The following TENM3 variants were observed in gnomAD, a reference collection of about 807,000 sequenced individuals.
The protein encoded by TENM3 is teneurin-3.
In TENM3, 63 loss-of-function variants were observed where a neutral mutation model predicts 255.1. The ratio of observed to expected loss-of-function variants is 0.25; its 90% CI spans 0.20 to 0.30. TENM3 has a LOEUF of 0.30. Among genes scored for constraint, TENM3 ranks in the 10% least tolerant of loss-of-function variants. The pLI is 1.00. For synonymous variants in TENM3, 1,306 were observed against 1,322.3 expected, an observed-to-expected ratio of 0.99 and a Z score of 0.27; for missense variants, 2,929 against 3,461.1, an observed-to-expected ratio of 0.85 and a Z score of 3.86.
At chr4:182,403,731 A>G (rs1769362112) in intron 3 of TENM3, among the ~76,000 whole-genome samples, 1 of 152,036 alleles carries the variant, frequency 6.6e-6, no homozygotes, top group Non-Finnish European at 1.5e-5. Flanking sequence ...ATTGTTTTCT[A>G]GTTATTTTAT....
intron 1 of TENM3, among the ~76,000 whole-genome samples, chr4:182,312,705 G>A (rs944477544): frequency 1.3e-5 from 2 of 152,198 alleles, no homozygotes; most frequent in Non-Finnish European, 2.9e-5. Flanking sequence ...CAGGGTGTCT[G>A]ATTTAAGCCA....
At chr4:181,887,031 A>C in the TENM3 span, among the ~76,000 whole-genome samples, 1 of 152,278 alleles carries the variant, frequency 6.6e-6, no homozygotes, top group South Asian at 2.1e-4. Flanking sequence ...AAATACTTTA[A>C]ATACTTTCCT....
intron 1 of TENM3, among the ~76,000 whole-genome samples, chr4:182,176,475 CATT>C (rs1288308712): frequency 5.3e-5 from 8 of 152,008 alleles, no homozygotes; most frequent in Admixed American, 5.2e-4. Context: ...AAGATGTGTT[CATT>C]ATTATTACTG....
intron 12 of TENM3, among the ~76,000 whole-genome samples, chr4:182,710,214 A>G (rs1188996566): frequency 6.6e-6 from 1 of 152,196 alleles, no homozygotes; most frequent in Non-Finnish European, 1.5e-5. Flanking sequence ...ATACTACCCT[A>G]TGAGAATCAG....
chr4:182,215,816 G>T (rs1220693211), intron 1 of TENM3, among the ~76,000 whole-genome samples: 3 of 152,158 alleles, frequency 2.0e-5, no homozygotes, highest in Admixed American at 2.0e-4. Flanking sequence ...TTGCAATCAG[G>T]TTTCAAGTTC....
chr4:181,476,206 GT>G, the TENM3 span, among the ~76,000 whole-genome samples: 252 of 115,390 alleles, frequency 2.2e-3, 1 homozygote, highest in East Asian at 9.1e-3. Flanking sequence ...CATTTTAGGG[GT>G]TTTTTTTTTT....
At chr4:181,749,152 T>A in the TENM3 span, among the ~76,000 whole-genome samples, 1 of 152,124 alleles carries the variant, frequency 6.6e-6, no homozygotes, top group Non-Finnish European at 1.5e-5. Flanking sequence ...AATTTGACTT[T>A]ATCCCTTGTG....
the TENM3 span, among the ~76,000 whole-genome samples, chr4:181,813,232 A>T: frequency 6.6e-6 from 1 of 152,112 alleles, no homozygotes; most frequent in Admixed American, 6.6e-5. Flanking sequence ...AATCCCATTC[A>T]TGTTGTGGGG....
chr4:182,277,197 A>G (rs1760060227), intron 1 of TENM3, among the ~76,000 whole-genome samples: 1 of 152,214 alleles, frequency 6.6e-6, no homozygotes, highest in Admixed American at 6.5e-5. Context: ...TCAGAATAAG[A>G]TGGAGTTTGG....
At chr4:182,064,904 G>A in the TENM3 span, among the ~76,000 whole-genome samples, 4 of 152,180 alleles carry the variant, frequency 2.6e-5, no homozygotes, top group Admixed American at 2.6e-4. Context: ...TATTATTTGT[G>A]TAACAGTCAC....
At chr4:181,610,888 T>A in the TENM3 span, among the ~76,000 whole-genome samples, 2 of 152,194 alleles carry the variant, frequency 1.3e-5, no homozygotes, top group Non-Finnish European at 2.9e-5. Context: ...TTGCAAAACA[T>A]CTGTTCCTAA....
At chr4:181,605,518 G>GAAAGAAAGAAAGA in the TENM3 span, among the ~76,000 whole-genome samples, 1 of 18,214 alleles carries the variant, frequency 5.5e-5, no homozygotes, top group East Asian at 1.0e-3. Context: ...AAGAAAGAAA[G>GAAAGAAAGAAAGA]AAAGAAAGAA....
chr4:182,700,262 GAAATT>G (rs1757749246), intron 12 of TENM3, among the ~76,000 whole-genome samples: 1 of 152,186 alleles, frequency 6.6e-6, no homozygotes, highest in South Asian at 2.1e-4. Flanking sequence ...TAAGGGTAGA[GAAATT>G]AAGCCCACAA....
chr4:181,714,974 T>C, the TENM3 span, among the ~76,000 whole-genome samples: 2 of 152,210 alleles, frequency 1.3e-5, no homozygotes, highest in East Asian at 3.9e-4. Context: ...AACTAATTGT[T>C]TTACAGCACT....
At chr4:181,666,240 A>G in the TENM3 span, among the ~76,000 whole-genome samples, 2 of 152,206 alleles carry the variant, frequency 1.3e-5, no homozygotes, top group African/African-American at 4.8e-5. Flanking sequence ...AAATTGTTAT[A>G]CTGTCCATGT....
intron 3 of TENM3, among the ~76,000 whole-genome samples, chr4:182,518,911 CTTAT>C (rs1424719230): frequency 2.0e-5 from 3 of 152,256 alleles, no homozygotes; most frequent in African/African-American, 7.2e-5. Flanking sequence ...CTAATAATAA[CTTAT>C]TTATTTAGTA....
At chr4:182,753,628 G>T in intron 21 of TENM3, 24 bp downstream of exon 21, 1 of 1,609,626 alleles carries the variant, frequency 6.2e-7, no homozygotes, top group Non-Finnish European at 8.5e-7. Context: ...AAGCGGACTT[G>T]TTTGTTTTTC....
At chr4:181,693,551 G>A in the TENM3 span, among the ~76,000 whole-genome samples, 449 of 152,242 alleles carry the variant, frequency 2.9e-3, 1 homozygote, top group African/African-American at 0.01. Flanking sequence ...AAAAGAAGCG[G>A]CGCAGTGAAT....
intron 4 of TENM3, among the ~76,000 whole-genome samples, chr4:182,610,139 G>C (rs916675035): frequency 6.6e-6 from 1 of 152,134 alleles, no homozygotes; most frequent in Non-Finnish European, 1.5e-5. Flanking sequence ...AAGAGAATTT[G>C]TTTTAGAAAA....
Sources: allele counts gnomAD v4.1 joint callset (sites outside exome capture counted in the v4.1 genomes callset), GRCh38; gene constraint gnomAD v4.1.1; transcripts MANE v1.5; gene names NCBI Gene and HGNC (gene_info 2026-07-23, HGNC 2026-07-21).